BUB1: variants seen among roughly 807,000 people sequenced by gnomAD.
BUB1 encodes mitotic checkpoint serine/threonine-protein kinase BUB1.
BUB1 carries 84 observed loss-of-function variants against 135.2 expected under a neutral mutation model. The ratio of observed to expected loss-of-function variants is 0.62; its 90% CI spans 0.52 to 0.74. BUB1 has a LOEUF of 0.74. BUB1 is among the 30% of genes least tolerant of loss of function. The pLI is 0.00. For synonymous variants in BUB1, 403 were observed against 434.4 expected, an observed-to-expected ratio of 0.93 and a Z score of 0.90; for missense variants, 1,162 against 1,288.3, an observed-to-expected ratio of 0.90 and a Z score of 1.50.
chr2:110,647,696 C>G (rs1689678946), intron 19 of BUB1, among the ~76,000 whole-genome samples: 1 of 152,062 alleles, frequency 6.6e-6, no homozygotes, highest in South Asian at 2.1e-4. Flanking sequence ...AGATCAGGAA[C>G]AAGGCAATGA....
At chr2:110,656,371 A>G (rs1689933136) in intron 15 of BUB1, among the ~76,000 whole-genome samples, 1 of 151,944 alleles carries the variant, frequency 6.6e-6, no homozygotes. Context: ...ATCCCATGTC[A>G]CCTTTAGTTC....
At chr2:110,659,884 G>T in intron 11 of BUB1, 94 bp downstream of exon 11, 1 of 964,612 alleles carries the variant, frequency 1.0e-6, no homozygotes, top group Non-Finnish European at 1.6e-6. Flanking sequence ...GTTCATTAAG[G>T]CCTGAAGCCT....
At chr2:110,673,835 G>A (rs1434209124) in intron 3 of BUB1, among the ~76,000 whole-genome samples, 4 of 152,172 alleles carry the variant, frequency 2.6e-5, no homozygotes, top group African/African-American at 9.7e-5. Context: ...CTGAACTAAA[G>A]TGATCGACCT....
chr2:110,641,019 A>G lies in BUB1; in HGVS notation c.2955+15T>C. 6.5e-7 allele frequency: 1 copy of G among 1,535,558 alleles called. No individual in the cohort carries two copies. Among genetic ancestry groups the G allele is most frequent in the East Asian group, 2.3e-5 (1 of 43,746 alleles). On this transcript the variant is annotated intron_variant, in intron 23 of 24. Transcript: ENST00000302759. ...ACAGAAAAATATTTCCAAGTCCCTC[A>G]CTTTAGTTTTATACCTGGTAGTTCC...
At chr2:110,672,992 G>C in intron 3 of BUB1, 135 bp from the exon 4 acceptor site, 2 of 853,216 alleles carry the variant, frequency 2.3e-6, no homozygotes, top group Non-Finnish European at 3.4e-6. Context: ...ACCAAGGCAG[G>C]TTTAGAGGGT....
chr2:110,644,873 A>T (rs1689603562), intron 19 of BUB1, among the ~76,000 whole-genome samples: 1 of 152,212 alleles, frequency 6.6e-6, no homozygotes, highest in Non-Finnish European at 1.5e-5. Flanking sequence ...ATTAGTTGTG[A>T]TGTATATTGC....
chr2:110,669,114 C>T (rs944723426), intron 6 of BUB1, among the ~76,000 whole-genome samples: 2 of 152,158 alleles, frequency 1.3e-5, no homozygotes, highest in African/African-American at 4.8e-5. Context: ...CAGAAGCCCC[C>T]AGGTGGATCC....
intron 1 of BUB1, among the ~76,000 whole-genome samples, chr2:110,677,739 A>G (rs1408936807): frequency 6.6e-6 from 1 of 152,242 alleles, no homozygotes; most frequent in Non-Finnish European, 1.5e-5. Context: ...AGATTGCTCC[A>G]AACGGCCACC....
chr2:110,652,616 A>G (rs568475867), intron 17 of BUB1, among the ~76,000 whole-genome samples: 55 of 152,186 alleles, frequency 3.6e-4, no homozygotes, highest in Non-Finnish European at 4.1e-4. Context: ...TTCGGTATTC[A>G]CTAATTCAGT....
At chr2:110,668,466 A>G (rs1432877297) in intron 6 of BUB1, among the ~76,000 whole-genome samples, 2 of 152,228 alleles carry the variant, frequency 1.3e-5, no homozygotes, top group Non-Finnish European at 2.9e-5. Context: ...AGGAGCGCAT[A>G]TTCTACTTCT....
At chr2:110,656,963 TG>T in intron 15 of BUB1, 72 bp downstream of exon 15, 2 of 1,094,384 alleles carry the variant, frequency 1.8e-6, no homozygotes, top group Non-Finnish European at 1.3e-6. Flanking sequence ...ATCCTCTGAC[TG>T]GCATAATCAT....
At chr2:110,641,584 G>T in intron 21 of BUB1, 58 bp downstream of exon 21, 1 of 1,576,968 alleles carries the variant, frequency 6.3e-7, no homozygotes, top group South Asian at 1.2e-5. Context: ...GTACGTGCAA[G>T]GTACAAGCCA....
intron 13 of BUB1, among the ~76,000 whole-genome samples, chr2:110,658,014 G>A (rs1417569564): frequency 6.6e-6 from 1 of 152,056 alleles, no homozygotes; most frequent in African/African-American, 2.4e-5. Context: ...AGTCTAATTG[G>A]CTTCTACTTA....
chr2:110,674,112 T>G lies in BUB1; in HGVS notation c.199A>C (p.Arg67=), dbSNP rs769617690. 1.2e-5 allele frequency: 19 copies of G among 1,538,458 alleles called. No homozygotes were observed. Among genetic ancestry groups the G allele is most frequent in the South Asian group, 2.3e-5 (2 of 88,412 alleles). ...LDKKKYHNDP[R]FISYCLKFAE... ...AATTTTAAACAATAACTGATGAATC[T>G]TGGGTCATTGTGGTATTTCTTCTTA... The change falls in exon 3 of 25, where the codon AGA becomes CGA. Residue 67 remains arginine (R), a synonymous_variant. Coordinates refer to ENST00000302759, the MANE Select transcript of BUB1 (RefSeq NM_004336.5).
intron 24 of BUB1, 82 bp downstream of exon 24, chr2:110,639,660 C>CTT (rs112515450): frequency 1.7e-4 from 170 of 999,738 alleles, no homozygotes; most frequent in Middle Eastern, 2.2e-4. Flanking sequence ...GGCAGAGATC[C>CTT]TTTTTTTTTT....
intron 9 of BUB1, among the ~76,000 whole-genome samples, chr2:110,664,767 GA>G (rs916245126): frequency 6.7e-6 from 1 of 149,814 alleles, no homozygotes; most frequent in Admixed American, 6.6e-5. Context: ...AAACAAATCA[GA>G]AAAAAAATGA....
chr2:110,650,431 T>C, intron 18 of BUB1, 115 bp downstream of exon 18: 1 of 911,896 alleles, frequency 1.1e-6, no homozygotes, highest in Non-Finnish European at 1.7e-6. Flanking sequence ...CTGAACTCAC[T>C]GACATCTGTT....
chr2:110,652,320 G>A (rs973252917), intron 17 of BUB1, among the ~76,000 whole-genome samples: 2 of 151,948 alleles, frequency 1.3e-5, no homozygotes, highest in African/African-American at 4.8e-5. Context: ...TATCCTTTTC[G>A]AGCTGTACTT....
intron 23 of BUB1, 57 bp downstream of exon 23, chr2:110,640,977 A>T: frequency 6.8e-7 from 1 of 1,481,260 alleles, no homozygotes; most frequent in Non-Finnish European, 9.0e-7. Flanking sequence ...TCATTTTGAA[A>T]ATCTGATAAG....
Sources: gnomAD v4.1 joint callset for allele counts (sites outside exome capture counted in the v4.1 genomes callset) on GRCh38, gnomAD v4.1.1 for gene constraint, MANE v1.5 for transcripts, NCBI Gene and HGNC (gene_info 2026-07-23, HGNC 2026-07-21) for gene names.